The following PDCD10 variants were observed in gnomAD, a reference collection of about 807,000 sequenced individuals.
PDCD10 encodes programmed cell death protein 10.
PDCD10 carries 4 observed loss-of-function variants against 29.2 expected under a neutral mutation model. That is an observed-to-expected ratio of 0.14 (90% CI 0.07 to 0.31). PDCD10 has a LOEUF of 0.31. Among genes scored for constraint, PDCD10 ranks in the 10% least tolerant of loss-of-function variants. The pLI is 1.00. For synonymous variants in PDCD10, 70 were observed against 82.2 expected (o/e 0.85, Z 0.80); for missense variants, 183 against 257.9 (o/e 0.71, Z 1.99).
At chr3:167,715,202 G>A (rs193145807) in intron 3 of PDCD10, among the ~76,000 whole-genome samples, 5 of 152,012 alleles carry the variant, frequency 3.3e-5, no homozygotes, top group African/African-American at 9.6e-5. Flanking sequence ...ACAGAAAACC[G>A]GATATTCCTA....
intron 2 of PDCD10, among the ~76,000 whole-genome samples, chr3:167,729,523 T>G (rs935611024): frequency 6.6e-6 from 1 of 152,192 alleles, no homozygotes; most frequent in African/African-American, 2.4e-5. Flanking sequence ...CCTGCAACCG[T>G]AGGCAAGTTC....
At chr3:167,702,510 T>A (rs1043073249) in intron 4 of PDCD10, among the ~76,000 whole-genome samples, 2 of 152,168 alleles carry the variant, frequency 1.3e-5, no homozygotes, top group African/African-American at 2.4e-5. Flanking sequence ...TAGTTAAGAT[T>A]TGTGGAAGTC....
At chr3:167,733,046 A>C (rs1157770423) in intron 2 of PDCD10, among the ~76,000 whole-genome samples, 1 of 152,238 alleles carries the variant, frequency 6.6e-6, no homozygotes, top group Non-Finnish European at 1.5e-5. Flanking sequence ...TTTCCAGACC[A>C]TCTTAATTTC....
intron 6 of PDCD10, among the ~76,000 whole-genome samples, chr3:167,691,284 T>C (rs963783023): frequency 2.0e-5 from 3 of 152,192 alleles, no homozygotes; most frequent in South Asian, 2.1e-4. Context: ...AGAAATAACA[T>C]ACATATCAAC....
chr3:167,704,777 C>T, intron 4 of PDCD10, 65 bp downstream of exon 4: 2 of 1,099,966 alleles, frequency 1.8e-6, no homozygotes, highest in Admixed American at 1.7e-5. Flanking sequence ...TGGCAACCAT[C>T]ACATGTACTT....
At chr3:167,695,448 A>T in intron 6 of PDCD10, 148 bp downstream of exon 6, 1 of 716,646 alleles carries the variant, frequency 1.4e-6, no homozygotes, top group East Asian at 2.7e-5. Context: ...CAAACGCCAT[A>T]AAGTTAATAA....
chr3:167,700,057 G>GT (rs1721226758), intron 4 of PDCD10, among the ~76,000 whole-genome samples: 1 of 152,082 alleles, frequency 6.6e-6, no homozygotes, highest in South Asian at 2.1e-4. Context: ...ACTGTACATG[G>GT]TGTTATTTGC....
chr3:167,704,781 T>G, intron 4 of PDCD10, 61 bp downstream of exon 4: 1 of 1,138,024 alleles, frequency 8.8e-7, no homozygotes, highest in Admixed American at 1.7e-5. Context: ...AACCATCACA[T>G]GTACTTACAT....
At chr3:167,707,406 C>T (rs6777835) in intron 3 of PDCD10, among the ~76,000 whole-genome samples, 39,849 of 152,000 alleles carry the variant, frequency 0.26, 5,668 homozygotes, top group African/African-American at 0.36. Context: ...AGGCTGGGCA[C>T]GGTGGCTCAC....
At chr3:167,697,234 T>A in intron 4 of PDCD10, 108 bp from the exon 5 acceptor site, 1 of 694,214 alleles carries the variant, frequency 1.4e-6, no homozygotes, top group Non-Finnish European at 2.6e-6. Flanking sequence ...CTGATAACTT[T>A]TAAGGGCAGA....
At chr3:167,719,348 A>G (rs1196759873) in intron 3 of PDCD10, among the ~76,000 whole-genome samples, 1 of 152,130 alleles carries the variant, frequency 6.6e-6, no homozygotes, top group African/African-American at 2.4e-5. Context: ...TTTTAGGAAA[A>G]TAATTTCACA....
intron 2 of PDCD10, among the ~76,000 whole-genome samples, chr3:167,722,821 AC>A (rs1723723095): frequency 6.6e-6 from 1 of 152,148 alleles, no homozygotes; most frequent in African/African-American, 2.4e-5. Context: ...CTACCTACCT[AC>A]CCCCTATAAA....
intron 7 of PDCD10, 90 bp from the exon 8 acceptor site, chr3:167,687,406 T>C: frequency 1.2e-6 from 1 of 811,514 alleles, no homozygotes; most frequent in Non-Finnish European, 2.1e-6. Context: ...TTACACAGGA[T>C]ATGGGATGCA....
At chr3:167,687,931 T>C (rs1412274951) in intron 6 of PDCD10, among the ~76,000 whole-genome samples, 1 of 152,180 alleles carries the variant, frequency 6.6e-6, no homozygotes, top group Non-Finnish European at 1.5e-5. Context: ...TGACCAAAGG[T>C]TGCCAACCAA....
At chr3:167,719,282 G>T (rs192012355) in intron 3 of PDCD10, among the ~76,000 whole-genome samples, 3 of 152,020 alleles carry the variant, frequency 2.0e-5, no homozygotes, top group Admixed American at 1.3e-4. Context: ...AATTTTAAAA[G>T]GCTGAAGCCA....
At chr3:167,729,289 G>A (rs1479943655) in intron 2 of PDCD10, among the ~76,000 whole-genome samples, 1 of 152,172 alleles carries the variant, frequency 6.6e-6, no homozygotes, top group Non-Finnish European at 1.5e-5. Context: ...TCTACAACGT[G>A]TATTTCCTAA....
chr3:167,722,244 GA>G lies in PDCD10; in HGVS notation c.-116-1972del, dbSNP rs544805234. ...CTTGAAGAGCTCTCATTGTGTGACA[GA>G]AAAAAAATTATTTATTTAATAAATA... is the stretch of plus-strand genomic sequence containing the variant. On this transcript the variant is annotated intron_variant, in intron 2 of 8. Coordinates refer to ENST00000392750, the MANE Select transcript of PDCD10 (RefSeq NM_007217.4). 3.8e-3 allele frequency among the ~76,000 whole-genome samples: 581 copies of G among 151,788 alleles called. 5 individuals carry two copies. The highest frequency in any genetic ancestry group is 0.013 in the African/African-American group (556 of 41,404).
chr3:167,701,590 G>T (rs1217055539), intron 4 of PDCD10, among the ~76,000 whole-genome samples: 2 of 152,164 alleles, frequency 1.3e-5, no homozygotes. Flanking sequence ...AGGCATCAAA[G>T]TGGCCTACTT....
chr3:167,714,451 A>G (rs1006241334), intron 3 of PDCD10, among the ~76,000 whole-genome samples: 2 of 152,066 alleles, frequency 1.3e-5, no homozygotes, highest in Non-Finnish European at 2.9e-5. Flanking sequence ...AGAGCAAACT[A>G]TACAAGAGAA....
Sources: allele counts gnomAD v4.1 joint callset (sites outside exome capture counted in the v4.1 genomes callset), GRCh38; gene constraint gnomAD v4.1.1; transcripts MANE v1.5; gene names NCBI Gene and HGNC (gene_info 2026-07-23, HGNC 2026-07-21).